IMMP2L: variants seen among roughly 807,000 people sequenced by gnomAD.
IMMP2L encodes inner mitochondrial membrane peptidase subunit 2.
In IMMP2L, 18 loss-of-function variants were observed where a neutral mutation model predicts 19.3. The ratio of observed to expected loss-of-function variants is 0.93; its 90% CI spans 0.64 to 1.38. IMMP2L has a LOEUF of 1.38. Among genes scored for constraint, IMMP2L ranks in the 40% most tolerant of loss-of-function variants. The pLI is 0.00. For synonymous variants in IMMP2L, 76 were observed against 73.0 expected (o/e 1.04, Z -0.21); for missense variants, 233 against 218.2 (o/e 1.07, Z -0.43).
rs115952243 is a variant in IMMP2L at position 111,218,001 on chromosome 7, C to T, written c.240-254436G>A. On this transcript the variant is annotated intron_variant, in intron 3 of 5. Transcript: ENST00000405709. ...CTTTTCTTTTCAAAATAATGAGCTA[C>T]GGAAAATGCTATTGCCTTTTTGTGC... Among the ~76,000 whole-genome samples, 811 of 152,022 alleles carry T rather than the reference C, an allele frequency of 5.3e-3. 10 individuals carry two copies. Among genetic ancestry groups the T allele is most frequent in the African/African-American group, 0.018 (750 of 41,486 alleles).
intron 3 of IMMP2L, among the ~76,000 whole-genome samples, chr7:110,978,187 CTACT>C: frequency 6.6e-6 from 1 of 152,012 alleles, no homozygotes; most frequent in South Asian, 2.1e-4. Flanking sequence ...TATTAGTCCA[CTACT>C]TAGTCTCATA....
At chr7:111,488,023 CATACAG>C (rs1272689701) in intron 2 of IMMP2L, among the ~76,000 whole-genome samples, 3 of 152,008 alleles carry the variant, frequency 2.0e-5, no homozygotes, top group Non-Finnish European at 4.4e-5. Context: ...GGTCAGGAAC[CATACAG>C]GCACAAAAAT....
At chr7:110,990,862 A>G (rs2129559533) in intron 3 of IMMP2L, among the ~76,000 whole-genome samples, 1 of 152,284 alleles carries the variant, frequency 6.6e-6, no homozygotes, top group South Asian at 2.1e-4. Context: ...CTGGGCTATA[A>G]ACCCTCAACA....
At chr7:111,087,468 A>C (rs1013512432) in intron 3 of IMMP2L, among the ~76,000 whole-genome samples, 1 of 151,870 alleles carries the variant, frequency 6.6e-6, no homozygotes, top group Non-Finnish European at 1.5e-5. Flanking sequence ...AAAAAAAAAA[A>C]AAACAACGAA....
At chr7:111,396,557 T>C (rs931823372) in intron 3 of IMMP2L, among the ~76,000 whole-genome samples, 1 of 152,000 alleles carries the variant, frequency 6.6e-6, no homozygotes, top group Non-Finnish European at 1.5e-5. Flanking sequence ...CATGCAGGGC[T>C]TGAAACCTAG....
chr7:111,469,743 A>C (rs1841040530), intron 3 of IMMP2L, among the ~76,000 whole-genome samples: 1 of 152,214 alleles, frequency 6.6e-6, no homozygotes, highest in Admixed American at 6.5e-5. Flanking sequence ...TTAAAGACTT[A>C]AACGTCAGAC....
At chr7:110,667,281 T>G (rs1791531245) in intron 5 of IMMP2L, among the ~76,000 whole-genome samples, 1 of 152,186 alleles carries the variant, frequency 6.6e-6, no homozygotes, top group Non-Finnish European at 1.5e-5. Flanking sequence ...TGATTACCCA[T>G]TTTTGATTCC....
chr7:111,272,918 T>C (rs547756557), intron 3 of IMMP2L, among the ~76,000 whole-genome samples: 73 of 152,074 alleles, frequency 4.8e-4, no homozygotes, highest in African/African-American at 1.7e-3. Flanking sequence ...GATCTAGATG[T>C]TGGAGGAGGT....
intron 3 of IMMP2L, among the ~76,000 whole-genome samples, chr7:111,279,804 T>C (rs762928861): frequency 1.6e-4 from 25 of 152,192 alleles, no homozygotes; most frequent in Middle Eastern, 3.4e-3. Flanking sequence ...GACTTCAAAA[T>C]ACAAAGGATT....
At chr7:110,739,687 T>C (rs1255570430) in intron 5 of IMMP2L, among the ~76,000 whole-genome samples, 1 of 152,140 alleles carries the variant, frequency 6.6e-6, no homozygotes, top group Non-Finnish European at 1.5e-5. Flanking sequence ...ACAGTGGACT[T>C]AAACTATTCC....
intron 5 of IMMP2L, among the ~76,000 whole-genome samples, chr7:110,755,137 G>A (rs1797966609): frequency 6.6e-6 from 1 of 151,942 alleles, no homozygotes; most frequent in South Asian, 2.1e-4. Context: ...CCTCAGTTTA[G>A]ACCATAAAAC....
chr7:111,289,412 G>A (rs996354969), intron 3 of IMMP2L, among the ~76,000 whole-genome samples: 3 of 148,392 alleles, frequency 2.0e-5, no homozygotes, highest in Admixed American at 1.4e-4. Flanking sequence ...AGAACTTAAA[G>A]TATAATTAAA....
chr7:111,446,114 G>A (rs1472022886), intron 3 of IMMP2L, among the ~76,000 whole-genome samples: 1 of 147,776 alleles, frequency 6.8e-6, no homozygotes, highest in Admixed American at 6.8e-5. Flanking sequence ...CTGCAAGGCG[G>A]CAGCAAGGCT....
chr7:111,409,290 A>G (rs1834164416), intron 3 of IMMP2L, among the ~76,000 whole-genome samples: 1 of 151,684 alleles, frequency 6.6e-6, no homozygotes, highest in Admixed American at 6.6e-5. Context: ...ATGCATCAGT[A>G]ATAAATTTAT....
chr7:111,067,745 G>A (rs888694831), intron 3 of IMMP2L, among the ~76,000 whole-genome samples: 3 of 152,172 alleles, frequency 2.0e-5, no homozygotes, highest in Non-Finnish European at 4.4e-5. Flanking sequence ...ATGGTTAAGA[G>A]GTGGTAAAAG....
At chr7:111,505,600 G>A (rs555356288) in intron 2 of IMMP2L, among the ~76,000 whole-genome samples, 1 of 152,262 alleles carries the variant, frequency 6.6e-6, no homozygotes, top group South Asian at 2.1e-4. Flanking sequence ...ACTAGGTTAA[G>A]AAAATGTGGC....
intron 3 of IMMP2L, among the ~76,000 whole-genome samples, chr7:111,251,083 GC>G (rs1816055452): frequency 6.6e-6 from 1 of 152,092 alleles, no homozygotes; most frequent in African/African-American, 2.4e-5. Context: ...TTAAAAGTTG[GC>G]AAAGGACATG....
chr7:110,749,671 T>C (rs1209721806), intron 5 of IMMP2L, among the ~76,000 whole-genome samples: 1 of 152,080 alleles, frequency 6.6e-6, no homozygotes, highest in African/African-American at 2.4e-5. Context: ...TTGCATGTTC[T>C]CACTCATAAG....
At position 110,920,715 on chromosome 7, in the gene IMMP2L, T is replaced by C. The variant is rs115829543; in HGVS notation, c.306-34020A>G. 4.3e-3 allele frequency among the ~76,000 whole-genome samples: 649 copies of C among 152,316 alleles called. 5 individuals are homozygous for C. The highest frequency in any genetic ancestry group is 0.014 in the African/African-American group (590 of 41,570). On this transcript the variant is annotated intron_variant, in intron 4 of 5. Transcript: ENST00000405709. ...AAAGCAATGATCACTATGGGGTATGTCCCAATAATAATTATGGTTTTATTC... is the reference window on the plus strand; with the variant it reads ...AAAGCAATGATCACTATGGGGTATGCCCCAATAATAATTATGGTTTTATTC...
Sources: gnomAD v4.1 joint callset for allele counts (sites outside exome capture counted in the v4.1 genomes callset) on GRCh38, gnomAD v4.1.1 for gene constraint, MANE v1.5 for transcripts, NCBI Gene and HGNC (gene_info 2026-07-23, HGNC 2026-07-21) for gene names.